Variants in AFAP1L2 observed in about 807,000 individuals in gnomAD.
AFAP1L2 encodes actin filament-associated protein 1-like 2.
In AFAP1L2, 46 loss-of-function variants were observed where a neutral mutation model predicts 99.3. That is an observed-to-expected ratio of 0.46 (90% CI 0.37 to 0.59). AFAP1L2 has a LOEUF of 0.59. Among genes scored for constraint, AFAP1L2 ranks in the 20% least tolerant of loss-of-function variants. The pLI is 0.00. For synonymous variants in AFAP1L2, 397 were observed against 419.1 expected, an observed-to-expected ratio of 0.95 and a Z score of 0.64; for missense variants, 959 against 1,034.9, an observed-to-expected ratio of 0.93 and a Z score of 1.01.
Position 114,297,319 on chromosome 10 carries a change from G to T in AFAP1L2, c.2208C>A (p.Ser736Arg), listed in dbSNP as rs1037646469. 1 of 1,613,950 alleles carries T rather than the reference G, an allele frequency of 6.2e-7. No individual in the cohort carries two copies. Among genetic ancestry groups the T allele is most frequent in the Admixed American group, 1.7e-5 (1 of 60,024 alleles). ...TCAGGTTGTCCTTCACCTCCATGAT[G>T]CTGAGCTCCAGGTCCACGCGCCTGC... ...EESRRVDLEL[S>R]IMEVKDNLKK... Residue 736 changes from serine (S) to arginine (R), a missense_variant, in exon 17 of 19, where the codon AGC becomes AGA. Physicochemically the swap from Ser to Arg is moderately radical, Grantham distance 110. This residue lies in a region of AFAP1L2 where 576 missense variants were observed against 562.1 expected (regional missense o/e 1.02). Coordinates refer to ENST00000304129, the MANE Select transcript of AFAP1L2 (RefSeq NM_001001936.3).
At chr10:114,392,816 C>T (rs763993248) in intron 1 of AFAP1L2, among the ~76,000 whole-genome samples, 4 of 152,138 alleles carry the variant, frequency 2.6e-5, no homozygotes, top group South Asian at 2.1e-4. Context: ...AGGAGGCCTG[C>T]GAGGAACTGA....
chr10:114,380,762 T>TG (rs1302663422), intron 1 of AFAP1L2, among the ~76,000 whole-genome samples: 1 of 152,204 alleles, frequency 6.6e-6, no homozygotes, highest in African/African-American at 2.4e-5. Context: ...ATTACTACAA[T>TG]GGGGTATCCA....
intron 2 of AFAP1L2, among the ~76,000 whole-genome samples, chr10:114,339,546 G>T (rs1177253396): frequency 6.6e-6 from 1 of 152,210 alleles, no homozygotes; most frequent in African/African-American, 2.4e-5. Flanking sequence ...GGTCAGTCCC[G>T]CACCATTGTT....
intron 1 of AFAP1L2, among the ~76,000 whole-genome samples, chr10:114,399,863 C>G (rs1208767015): frequency 1.3e-5 from 2 of 152,210 alleles, no homozygotes; most frequent in Non-Finnish European, 2.9e-5. Context: ...CACATCCTCT[C>G]TCCAAAGATT....
chr10:114,381,916 C>T (rs116289802), intron 1 of AFAP1L2, among the ~76,000 whole-genome samples: 1,703 of 152,094 alleles, frequency 0.011, 29 homozygotes, highest in African/African-American at 0.039. Flanking sequence ...AAAGATGTTC[C>T]ATTTCACTCA....
chr10:114,318,858 C>A (rs2044613026), intron 5 of AFAP1L2, among the ~76,000 whole-genome samples: 2 of 151,338 alleles, frequency 1.3e-5, no homozygotes, highest in African/African-American at 2.4e-5. Context: ...ACACCACAAA[C>A]ATTGCATATT....
chr10:114,323,333 G>T, intron 4 of AFAP1L2, 72 bp from the exon 5 acceptor site: 1 of 1,375,750 alleles, frequency 7.3e-7, no homozygotes, highest in Non-Finnish European at 1.0e-6. Flanking sequence ...ATAACTCTTC[G>T]GGTGGAAGTC....
downstream of AFAP1L2, among the ~76,000 whole-genome samples, chr10:114,294,303 T>G (rs1010740308): frequency 1.4e-4 from 22 of 152,334 alleles, no homozygotes; most frequent in African/African-American, 5.1e-4. Context: ...AAAATACATA[T>G]TTCTCAAACT....
At chr10:114,387,749 T>G (rs902430828) in intron 1 of AFAP1L2, among the ~76,000 whole-genome samples, 1 of 152,234 alleles carries the variant, frequency 6.6e-6, no homozygotes, top group Non-Finnish European at 1.5e-5. Flanking sequence ...GAACAGTATT[T>G]ATTTCCTACA....
At chr10:114,300,838 T>G in intron 13 of AFAP1L2, 148 bp from the exon 14 acceptor site, 1 of 1,099,698 alleles carries the variant, frequency 9.1e-7, no homozygotes, top group Non-Finnish European at 1.3e-6. Flanking sequence ...ACTGGCTGAG[T>G]CCTAGATATG....
intron 2 of AFAP1L2, among the ~76,000 whole-genome samples, chr10:114,337,668 A>G (rs540165154): frequency 6.6e-6 from 1 of 152,340 alleles, no homozygotes; most frequent in East Asian, 1.9e-4. Context: ...ACAGGAAGCC[A>G]CATCATAGGT....
At chr10:114,363,035 G>T in intron 1 of AFAP1L2, 1 of 985,440 alleles carries the variant, frequency 1.0e-6, no homozygotes, top group Non-Finnish European at 1.2e-6. Context: ...CACCAGAGAG[G>T]ACTGTGCCCA....
At chr10:114,298,042 G>T (rs1338920181) in intron 16 of AFAP1L2, among the ~76,000 whole-genome samples, 1 of 152,176 alleles carries the variant, frequency 6.6e-6, no homozygotes, top group Non-Finnish European at 1.5e-5. Flanking sequence ...GGAAGGAAAA[G>T]AAAACGTATA....
At chr10:114,324,396 ACCCC>A (rs56354768) in intron 4 of AFAP1L2, among the ~76,000 whole-genome samples, 3,584 of 126,538 alleles carry the variant, frequency 0.028, 397 homozygotes, top group African/African-American at 0.12. Context: ...GGGGTGCACC[ACCCC>A]CCCCCCCCCC....
chr10:114,338,690 T>C (rs1027090068), intron 2 of AFAP1L2, among the ~76,000 whole-genome samples: 9 of 152,196 alleles, frequency 5.9e-5, no homozygotes, highest in Non-Finnish European at 1.3e-4. Flanking sequence ...TATGAATCCA[T>C]TTATACAGAG....
chr10:114,313,481 T>G (rs1252286599), intron 7 of AFAP1L2, among the ~76,000 whole-genome samples: 2 of 152,150 alleles, frequency 1.3e-5, no homozygotes. Flanking sequence ...TCACCACTCC[T>G]GTAAAATGGG....
At chr10:114,331,722 A>G (rs1023251512) in intron 4 of AFAP1L2, 81 bp downstream of exon 4, 18 of 1,002,370 alleles carry the variant, frequency 1.8e-5, no homozygotes, top group Non-Finnish European at 9.3e-6. Context: ...CCAGACACTT[A>G]GTGAGCTGAC....
In AFAP1L2 at chr10:114,340,516, G is replaced by A. The variant is rs376223706; in HGVS notation, c.145+87C>T. ...AAGTGTCATTTATAGCACCCAGCCTGTGATCCTTAGCTATGGCAGCCCGCA... is the reference window on the plus strand; with the variant it reads ...AAGTGTCATTTATAGCACCCAGCCTATGATCCTTAGCTATGGCAGCCCGCA... On this transcript the variant is annotated intron_variant, in intron 2 of 18. Coordinates refer to ENST00000304129, the MANE Select transcript of AFAP1L2 (RefSeq NM_001001936.3). The A allele has an allele frequency of 1.7e-5, 25 of 1,487,114 alleles. No individual in the cohort carries two copies. The African/African-American group carries it at 1.8e-4, about 11-fold the overall frequency. The allele number at this position is 1,487,114 out of a possible 1,614,324, so 92.1% of individuals were successfully genotyped here.
At chr10:114,392,803 T>C (rs1053805271) in intron 1 of AFAP1L2, among the ~76,000 whole-genome samples, 1 of 152,188 alleles carries the variant, frequency 6.6e-6, no homozygotes, top group Non-Finnish European at 1.5e-5. Flanking sequence ...CCTGAAAGCA[T>C]AGAGGAGGCC....
Sources: allele counts gnomAD v4.1 joint callset (sites outside exome capture counted in the v4.1 genomes callset), GRCh38; gene constraint gnomAD v4.1.1; regional missense constraint gnomAD v4.1.1; transcripts MANE v1.5; gene names NCBI Gene and HGNC (gene_info 2026-07-23, HGNC 2026-07-21).